The following CDK6 variants were observed in gnomAD, a reference collection of about 807,000 sequenced individuals.
The protein encoded by CDK6 is cyclin dependent kinase 6, also known as cyclin-dependent kinase 6.
In CDK6, 6 loss-of-function variants were observed where a neutral mutation model predicts 37.1. That is an observed-to-expected ratio of 0.16 (90% CI 0.09 to 0.32). The LOEUF (loss-of-function observed/expected upper bound fraction) is 0.32, where lower values mean the gene tolerates loss of function less well. CDK6 is among the 10% of genes least tolerant of loss of function. CDK6 has a pLI of 1.00. For missense variants in CDK6, 224 were observed against 418.9 expected, an observed-to-expected ratio of 0.53 and a Z score of 4.06; for synonymous variants, 160 against 161.3, an observed-to-expected ratio of 0.99 and a Z score of 0.06.
chr7:92,831,636 A>G (rs1448378949), intron 2 of CDK6, among the ~76,000 whole-genome samples: 1 of 152,226 alleles, frequency 6.6e-6, no homozygotes, highest in African/African-American at 2.4e-5. Flanking sequence ...TTTATATATA[A>G]TCTCATCTTC....
At chr7:92,701,244 A>G (rs1241380671) in intron 4 of CDK6, among the ~76,000 whole-genome samples, 1 of 152,226 alleles carries the variant, frequency 6.6e-6, no homozygotes, top group Non-Finnish European at 1.5e-5. Context: ...CTACAGACTC[A>G]GAAGTGAAGA....
chr7:92,638,989 G>C (rs1055659824), intron 5 of CDK6, among the ~76,000 whole-genome samples: 2 of 152,232 alleles, frequency 1.3e-5, no homozygotes, highest in Admixed American at 6.5e-5. Context: ...TTTCTTGTTG[G>C]GGGGTGATGA....
At chr7:92,710,827 G>A (rs1005498015) in intron 4 of CDK6, 3 of 985,310 alleles carry the variant, frequency 3.0e-6, no homozygotes, top group Admixed American at 6.2e-5. Flanking sequence ...CCGGGCAGAC[G>A]GATGACTTGG....
chr7:92,765,133 G>T (rs973447418), intron 3 of CDK6, among the ~76,000 whole-genome samples: 1 of 152,088 alleles, frequency 6.6e-6, no homozygotes, highest in South Asian at 2.1e-4. Context: ...TATAGGGAAA[G>T]TAATTTTAAA....
intron 5 of CDK6, among the ~76,000 whole-genome samples, chr7:92,644,523 A>G (rs1201147737): frequency 3.3e-5 from 5 of 152,064 alleles, no homozygotes; most frequent in Admixed American, 3.3e-4. Flanking sequence ...TCCTTTAACT[A>G]CTGAATAATT....
At chr7:92,625,570 A>AC (rs1375069304) in intron 5 of CDK6, among the ~76,000 whole-genome samples, 114 of 152,028 alleles carry the variant, frequency 7.5e-4, no homozygotes, top group Middle Eastern at 3.4e-3. Context: ...AACAAAAAAA[A>AC]CCAAAAACCT....
At chr7:92,728,286 A>C (rs1363206277) in intron 3 of CDK6, among the ~76,000 whole-genome samples, 1 of 152,180 alleles carries the variant, frequency 6.6e-6, no homozygotes, top group Admixed American at 6.5e-5. Context: ...CTGTTAATAT[A>C]ACTTTTTTTG....
intron 4 of CDK6, among the ~76,000 whole-genome samples, chr7:92,697,712 A>G (rs3731326): frequency 0.24 from 36,976 of 152,152 alleles, 4,845 homozygotes; most frequent in Middle Eastern, 0.37. Context: ...TGGGGACTCC[A>G]AGGCATGTCA....
chr7:92,824,153 A>G (rs977063599), intron 2 of CDK6, among the ~76,000 whole-genome samples: 4 of 152,070 alleles, frequency 2.6e-5, no homozygotes, highest in African/African-American at 9.7e-5. Flanking sequence ...GAAAAAAAAA[A>G]AGCAAATTCA....
intron 5 of CDK6, among the ~76,000 whole-genome samples, chr7:92,670,104 C>T (rs1440762279): frequency 6.6e-6 from 1 of 152,194 alleles, no homozygotes; most frequent in African/African-American, 2.4e-5. Flanking sequence ...TGCAAGCTTC[C>T]TTTGGACTCA....
At chr7:92,742,927 A>G (rs985193625) in intron 3 of CDK6, among the ~76,000 whole-genome samples, 4 of 152,152 alleles carry the variant, frequency 2.6e-5, no homozygotes, top group Non-Finnish European at 5.9e-5. Flanking sequence ...TTTGTGTTCC[A>G]TATTATGAAT....
intron 5 of CDK6, among the ~76,000 whole-genome samples, chr7:92,659,494 T>C (rs185253904): frequency 2.0e-5 from 3 of 152,310 alleles, no homozygotes; most frequent in Non-Finnish European, 4.4e-5. Context: ...AAAAATACAT[T>C]TGTGGCTCTC....
chr7:92,705,456 C>A lies in CDK6; in HGVS notation c.537+20170G>T, dbSNP rs527412451. Among the ~76,000 whole-genome samples the A allele has an allele frequency of 2.6e-5, 4 of 152,228 alleles. No individual in the cohort carries two copies. The East Asian group carries it at 7.7e-4, about 29-fold the overall frequency. The stretch of plus-strand genomic sequence containing the variant: ...GCAAACACAAATCATTGTTCCTGGT[C>A]TCAAAGAGCTTTGAGCAGCATTAAA... On this transcript the variant is annotated intron_variant, in intron 4 of 7. Coordinates refer to ENST00000424848, the MANE Select transcript of CDK6 (RefSeq NM_001145306.2).
At chr7:92,717,772 C>A (rs1337021295) in intron 4 of CDK6, among the ~76,000 whole-genome samples, 1 of 152,198 alleles carries the variant, frequency 6.6e-6, no homozygotes, top group Admixed American at 6.5e-5. Context: ...GGGAATCAGT[C>A]ATTTGATTCA....
At chr7:92,820,434 G>A (rs1350992701) in intron 2 of CDK6, among the ~76,000 whole-genome samples, 1 of 152,086 alleles carries the variant, frequency 6.6e-6, no homozygotes, top group Non-Finnish European at 1.5e-5. Context: ...TCAACCTTTA[G>A]AAAAGCAGGG....
In CDK6 at chr7:92,614,220, G is replaced by A; in HGVS notation, c.*920C>T. 4.3e-6 allele frequency: 1 copy of A among 232,854 alleles called. No individual in the cohort carries two copies. Among genetic ancestry groups the A allele is most frequent in the Non-Finnish European group, 8.5e-6 (1 of 117,906 alleles). 14.4% of individuals were successfully genotyped at this position (232,854 alleles called of 1,614,324 possible). ...CAACAATAACAACAACAAAAAAAGG[G>A]AAGAAAGGAATTTCAAACCAGGAAA... is the stretch of plus-strand genomic sequence containing the variant. On this transcript the variant is annotated 3_prime_UTR_variant, in exon 8 of 8. Transcript: ENST00000424848.
At chr7:92,746,214 GC>G (rs1799054026) in intron 3 of CDK6, among the ~76,000 whole-genome samples, 1 of 152,114 alleles carries the variant, frequency 6.6e-6, no homozygotes. Flanking sequence ...TAATGCTACA[GC>G]AAATTTTCTT....
At chr7:92,821,536 A>C (rs1224914734) in intron 2 of CDK6, among the ~76,000 whole-genome samples, 1 of 151,816 alleles carries the variant, frequency 6.6e-6, no homozygotes, top group Non-Finnish European at 1.5e-5. Flanking sequence ...ACTGCAAATA[A>C]CTCTCCTCAC....
At chr7:92,686,458 T>C (rs1797455615) in intron 4 of CDK6, among the ~76,000 whole-genome samples, 1 of 152,180 alleles carries the variant, frequency 6.6e-6, no homozygotes, top group East Asian at 1.9e-4. Flanking sequence ...TTTTGCTCTT[T>C]TTATGGCTGA....
Sources: gnomAD v4.1 joint callset for allele counts (sites outside exome capture counted in the v4.1 genomes callset) on GRCh38, gnomAD v4.1.1 for gene constraint, MANE v1.5 for transcripts, NCBI Gene and HGNC (gene_info 2026-07-23, HGNC 2026-07-21) for gene names.